Variants in CDH13 observed in about 807,000 individuals in gnomAD.
CDH13 encodes cadherin-13.
In CDH13, 24 loss-of-function variants were observed where a neutral mutation model predicts 63.8. That is an observed-to-expected ratio of 0.38 (90% CI 0.27 to 0.53). CDH13 has a LOEUF of 0.53. CDH13 is among the 20% of genes least tolerant of loss of function. The pLI, the probability that CDH13 is intolerant of heterozygous loss-of-function variation, is 0.85. For missense variants in CDH13, 1,049 were observed against 903.1 expected (o/e 1.16, Z -2.07); for synonymous variants, 503 against 355.3 (o/e 1.42, Z -4.67).
intron 2 of CDH13, among the ~76,000 whole-genome samples, chr16:82,912,725 C>G (rs544291001): frequency 4.6e-5 from 7 of 152,104 alleles, no homozygotes; most frequent in Admixed American, 4.6e-4. Flanking sequence ...GGGCGGATCA[C>G]GAGGTCAGGA....
chr16:83,489,092 A>G (rs978655380), intron 7 of CDH13, among the ~76,000 whole-genome samples: 1 of 152,208 alleles, frequency 6.6e-6, no homozygotes, highest in African/African-American at 2.4e-5. Context: ...TCCTTTCACA[A>G]GAAAAAGATG....
At chr16:83,782,657 A>G (rs1257544155) in intron 12 of CDH13, among the ~76,000 whole-genome samples, 1 of 150,860 alleles carries the variant, frequency 6.6e-6, no homozygotes, top group Non-Finnish European at 1.5e-5. Context: ...AATCATTTGA[A>G]CCCAGGATGC....
At chr16:83,758,234 A>G (rs2150983779) in intron 11 of CDH13, among the ~76,000 whole-genome samples, 1 of 152,282 alleles carries the variant, frequency 6.6e-6, no homozygotes, top group East Asian at 1.9e-4. Flanking sequence ...CCCTCTTTTT[A>G]TGAGACAAGG....
intron 8 of CDH13, among the ~76,000 whole-genome samples, chr16:83,658,066 C>G (rs1281497061): frequency 3.5e-5 from 3 of 84,584 alleles, no homozygotes; most frequent in African/African-American, 1.3e-4. Context: ...ATCCTCACCA[C>G]CAGGTGCCAT....
At chr16:83,487,149 C>T (rs187463807) in intron 7 of CDH13, among the ~76,000 whole-genome samples, 1 of 152,294 alleles carries the variant, frequency 6.6e-6, no homozygotes, top group Non-Finnish European at 1.5e-5. Context: ...TGTTCTCATC[C>T]CTTTAGGCTT....
At chr16:83,753,546 A>C (rs1029391674) in intron 11 of CDH13, among the ~76,000 whole-genome samples, 12 of 151,668 alleles carry the variant, frequency 7.9e-5, no homozygotes, top group Non-Finnish European at 1.6e-4. Flanking sequence ...ACCCCGTCTC[A>C]AAAAAAAAGT....
chr16:82,740,455 G>A (rs2033878515), intron 1 of CDH13, among the ~76,000 whole-genome samples: 1 of 152,206 alleles, frequency 6.6e-6, no homozygotes, highest in Non-Finnish European at 1.5e-5. Context: ...GCTGTATCTA[G>A]ATAGGGGTGG....
chr16:83,022,481 G>GA (rs1232296933), intron 2 of CDH13, among the ~76,000 whole-genome samples: 3 of 152,142 alleles, frequency 2.0e-5, no homozygotes, highest in African/African-American at 7.2e-5. Context: ...AAGGCACATT[G>GA]GTACCTTGAA....
chr16:82,897,232 C>A (rs1424333877), intron 2 of CDH13, among the ~76,000 whole-genome samples: 1 of 152,198 alleles, frequency 6.6e-6, no homozygotes, highest in African/African-American at 2.4e-5. Context: ...CATGTGGAAG[C>A]ATGACCTTGG....
At chr16:82,816,160 T>C (rs74457969) in intron 1 of CDH13, among the ~76,000 whole-genome samples, 6,395 of 152,174 alleles carry the variant, frequency 0.042, 441 homozygotes, top group African/African-American at 0.14. Context: ...AGCCTCTCTC[T>C]TACGTACATA....
intron 1 of CDH13, among the ~76,000 whole-genome samples, chr16:82,780,739 CTT>C (rs1244716073): frequency 6.6e-6 from 1 of 152,200 alleles, no homozygotes; most frequent in Non-Finnish European, 1.5e-5. Context: ...AACAGAGTGA[CTT>C]TACCCATGCT....
chr16:83,308,446 C>A (rs1305409358), intron 5 of CDH13, among the ~76,000 whole-genome samples: 1 of 152,212 alleles, frequency 6.6e-6, no homozygotes, highest in African/African-American at 2.4e-5. Flanking sequence ...CTCAGAAGAT[C>A]TCCTACATGA....
chr16:82,794,119 C>T (rs2036459257), intron 1 of CDH13, among the ~76,000 whole-genome samples: 1 of 151,892 alleles, frequency 6.6e-6, no homozygotes. Flanking sequence ...TGAGGCCCAA[C>T]ACAAGTTCGT....
intron 2 of CDH13, among the ~76,000 whole-genome samples, chr16:82,879,930 T>C (rs1302577177): frequency 1.5e-5 from 2 of 132,854 alleles, no homozygotes; most frequent in African/African-American, 5.3e-5. Context: ...ATTATAGAAA[T>C]ATATAATATA....
chr16:83,523,056 C>G (rs537828019), intron 7 of CDH13, among the ~76,000 whole-genome samples: 1 of 152,318 alleles, frequency 6.6e-6, no homozygotes, highest in African/African-American at 2.4e-5. Context: ...TCCAAAGAAG[C>G]ATTTCTGGAC....
chr16:82,778,040 GAGTC>G (rs1395712819), intron 1 of CDH13, among the ~76,000 whole-genome samples: 1 of 152,154 alleles, frequency 6.6e-6, no homozygotes, highest in African/African-American at 2.4e-5. Context: ...CTTTAGAAGC[GAGTC>G]AGTAAGTCCA....
chr16:83,427,030 C>T (rs2151478322), intron 6 of CDH13, among the ~76,000 whole-genome samples: 1 of 146,698 alleles, frequency 6.8e-6, no homozygotes, highest in Non-Finnish European at 1.5e-5. Context: ...AGGTTCACGC[C>T]ATTCTCCTGC....
intron 7 of CDH13, among the ~76,000 whole-genome samples, chr16:83,535,813 G>GA (rs2075172369): frequency 8.1e-6 from 1 of 123,954 alleles, no homozygotes; most frequent in Non-Finnish European, 1.6e-5. Flanking sequence ...GCAAGCAAGA[G>GA]AAAAAGAAGG....
intron 5 of CDH13, among the ~76,000 whole-genome samples, chr16:83,228,335 C>T (rs923039564): frequency 2.6e-5 from 4 of 152,168 alleles, no homozygotes; most frequent in Non-Finnish European, 4.4e-5. Flanking sequence ...CCTTGCATGG[C>T]GTTGGCCACT....
Sources: allele counts gnomAD v4.1 joint callset (sites outside exome capture counted in the v4.1 genomes callset), GRCh38; gene constraint gnomAD v4.1.1; transcripts MANE v1.5; gene names NCBI Gene and HGNC (gene_info 2026-07-23, HGNC 2026-07-21).